The following DGKB variants were observed in gnomAD, a reference collection of about 807,000 sequenced individuals.
The protein encoded by DGKB is 90 kDa diacylglycerol kinase.
DGKB carries 67 observed loss-of-function variants against 114.3 expected under a neutral mutation model. The observed-to-expected ratio is 0.59, with a 90% CI of 0.48 to 0.72. The LOEUF (loss-of-function observed/expected upper bound fraction) is 0.72, where lower values mean the gene tolerates loss of function less well. Among genes scored for constraint, DGKB ranks in the 30% least tolerant of loss-of-function variants. The pLI is 0.00. For missense variants in DGKB, 907 were observed against 975.2 expected, an observed-to-expected ratio of 0.93 and a Z score of 0.93; for synonymous variants, 398 against 323.1, an observed-to-expected ratio of 1.23 and a Z score of -2.49.
intron 21 of DGKB, among the ~76,000 whole-genome samples, chr7:14,387,146 G>A (rs537213347): frequency 4.5e-4 from 68 of 151,850 alleles, no homozygotes; most frequent in Non-Finnish European, 5.4e-4. Context: ...TGTCTTGGCT[G>A]GGCGCGGTGG....
chr7:14,437,330 T>A (rs1829424951), intron 21 of DGKB, among the ~76,000 whole-genome samples: 1 of 152,092 alleles, frequency 6.6e-6, no homozygotes, highest in South Asian at 2.1e-4. Flanking sequence ...AATGCAGAAT[T>A]AACATTAAAT....
chr7:14,839,939 T>C (rs115815317), intron 2 of DGKB, among the ~76,000 whole-genome samples: 271 of 152,230 alleles, frequency 1.8e-3, no homozygotes, highest in African/African-American at 6.0e-3. Context: ...GCTTCTAGAA[T>C]ACCTTTGAAA....
Position 14,212,217 on chromosome 7 carries a change from T to TA in DGKB, c.2123-34067_2123-34066insT, listed in dbSNP as rs200520171. 1.4e-3 allele frequency among the ~76,000 whole-genome samples: 12 copies of TA among 8,832 alleles called. 1 individual carries two copies. The highest frequency in any genetic ancestry group is 2.0e-3 in the Non-Finnish European group (12 of 5,892). 5.8% of individuals were successfully genotyped at this position (8,832 alleles called of 152,430 possible). On this transcript the variant is annotated intron_variant, in intron 23 of 25. Coordinates refer to ENST00000402815, the MANE Select transcript of DGKB (RefSeq NM_001350709.2). ...GTGATTTTACTCTCGTGTTTTGTGA[T>TA]TTTACTCTCATGTTTTGTGATTTTA...
chr7:14,957,305 T>A (rs1786566368), intron 1 of DGKB, among the ~76,000 whole-genome samples: 1 of 152,010 alleles, frequency 6.6e-6, no homozygotes, highest in Admixed American at 6.6e-5. Context: ...AGACTTAGAA[T>A]GCTGCTTTGG....
At chr7:14,603,390 G>A (rs1803920685) in intron 17 of DGKB, among the ~76,000 whole-genome samples, 1 of 151,930 alleles carries the variant, frequency 6.6e-6, no homozygotes, top group Non-Finnish European at 1.5e-5. Flanking sequence ...GCCTTTTGAG[G>A]ATTCTGTTCA....
chr7:14,732,672 G>A (rs1831095585), intron 5 of DGKB, among the ~76,000 whole-genome samples: 8 of 152,194 alleles, frequency 5.3e-5, no homozygotes. Flanking sequence ...ATTGCTGCAT[G>A]AGGACTACAT....
intron 23 of DGKB, among the ~76,000 whole-genome samples, chr7:14,300,218 G>T (rs1229194355): frequency 6.6e-6 from 1 of 152,002 alleles, no homozygotes; most frequent in African/African-American, 2.4e-5. Flanking sequence ...TATTTTAGAT[G>T]TCACTATGAT....
intron 20 of DGKB, among the ~76,000 whole-genome samples, chr7:14,541,292 T>C (rs967409296): frequency 6.6e-6 from 1 of 152,170 alleles, no homozygotes; most frequent in Non-Finnish European, 1.5e-5. Flanking sequence ...TTAGGTCAGC[T>C]ATCAATATCA....
At chr7:14,934,228 C>T (rs942829125) in intron 1 of DGKB, among the ~76,000 whole-genome samples, 9 of 152,110 alleles carry the variant, frequency 5.9e-5, no homozygotes, top group Non-Finnish European at 1.2e-4. Flanking sequence ...ATGTTTCCCT[C>T]TTGACTTCAC....
intron 13 of DGKB, among the ~76,000 whole-genome samples, chr7:14,632,132 C>G (rs1026631008): frequency 3.3e-5 from 5 of 151,944 alleles, no homozygotes; most frequent in Non-Finnish European, 7.4e-5. Context: ...TCAGATAGAT[C>G]CTGGTCCACT....
intron 2 of DGKB, among the ~76,000 whole-genome samples, chr7:14,764,287 T>C (rs1836135358): frequency 6.6e-6 from 1 of 151,978 alleles, no homozygotes; most frequent in Admixed American, 6.6e-5. Flanking sequence ...AAAGTTATAA[T>C]TAATTTATAT....
chr7:14,438,361 G>A (rs1829588525), intron 21 of DGKB, among the ~76,000 whole-genome samples: 1 of 151,952 alleles, frequency 6.6e-6, no homozygotes, highest in Non-Finnish European at 1.5e-5. Flanking sequence ...CACATTTGGA[G>A]GACTCAGCAC....
intron 23 of DGKB, among the ~76,000 whole-genome samples, chr7:14,304,649 C>G (rs1316833296): frequency 6.6e-6 from 1 of 152,134 alleles, no homozygotes. Flanking sequence ...TGTCCAGTAG[C>G]ATGTTTACAG....
intron 23 of DGKB, among the ~76,000 whole-genome samples, chr7:14,295,248 G>C (rs116672289): frequency 4.2e-4 from 64 of 152,216 alleles, no homozygotes; most frequent in African/African-American, 1.4e-3. Flanking sequence ...TTGGTAACAT[G>C]TTTGCTTTTA....
At chr7:14,805,669 A>AT (rs991429217) in intron 2 of DGKB, among the ~76,000 whole-genome samples, 6 of 151,636 alleles carry the variant, frequency 4.0e-5, no homozygotes, top group African/African-American at 7.3e-5. Context: ...TCTTTAGAGA[A>AT]TTTTTTTTCC....
chr7:14,478,458 A>C (rs954687530), intron 20 of DGKB, among the ~76,000 whole-genome samples: 2 of 152,182 alleles, frequency 1.3e-5, no homozygotes, highest in African/African-American at 4.8e-5. Context: ...TATTTGTTAC[A>C]TTTACATCTA....
chr7:14,915,682 A>G (rs1049861475), intron 1 of DGKB, among the ~76,000 whole-genome samples: 1 of 152,118 alleles, frequency 6.6e-6, no homozygotes, highest in Non-Finnish European at 1.5e-5. Context: ...GTGTGGAAAG[A>G]AAAAAACCCA....
At chr7:14,724,846 G>T (rs775985475) in intron 5 of DGKB, among the ~76,000 whole-genome samples, 14 of 152,244 alleles carry the variant, frequency 9.2e-5, no homozygotes, top group Non-Finnish European at 1.5e-4. Flanking sequence ...CAGTAAAAAT[G>T]AGATCTGTCT....
At position 14,841,335 on chromosome 7, in the gene DGKB, C is replaced by T. The variant is rs1413097899; in HGVS notation, c.-72G>A. The T allele has an allele frequency of 2.3e-6, 3 of 1,298,820 alleles. No individual in the cohort carries two copies. Among genetic ancestry groups the T allele is most frequent in the Non-Finnish European group, 3.3e-6 (3 of 921,732 alleles). 80.5% of individuals were successfully genotyped at this position (1,298,820 alleles called of 1,614,324 possible). ...TTCAGGTGTTGCGCAGAGGTCTATG[C>T]TTCAAAGATTCCACATGGCATGTTT... On this transcript the variant is annotated 5_prime_UTR_variant, in exon 2 of 26. Transcript: ENST00000402815.
Sources: allele counts gnomAD v4.1 joint callset (sites outside exome capture counted in the v4.1 genomes callset), GRCh38; gene constraint gnomAD v4.1.1; transcripts MANE v1.5; gene names NCBI Gene and HGNC (gene_info 2026-07-23, HGNC 2026-07-21).